The following TLN2 variants were observed in gnomAD, a reference collection of about 807,000 sequenced individuals.
TLN2 encodes talin 2.
A neutral mutation model predicts 294.7 loss-of-function variants in TLN2; 118 were observed. The ratio of observed to expected loss-of-function variants is 0.40; its 90% confidence interval spans 0.34 to 0.47. The LOEUF (loss-of-function observed/expected upper bound fraction) is 0.47, where lower values mean the gene tolerates loss of function less well. Among genes scored for constraint, TLN2 ranks in the 20% least tolerant of loss-of-function variants. The pLI is 0.84. For synonymous variants in TLN2, 1,431 were observed against 1,304.5 expected (o/e 1.10, Z -2.09); for missense variants, 3,083 against 3,282.2 (o/e 0.94, Z 1.48).
chr15:62,508,171 A>G (rs758670078), intron 1 of TLN2, among the ~76,000 whole-genome samples: 1 of 152,108 alleles, frequency 6.6e-6, no homozygotes, highest in African/African-American at 2.4e-5. Context: ...TTCCTTCTGG[A>G]TGAGTGACTA....
chr15:62,591,689 A>G (rs1464016562), intron 2 of TLN2, among the ~76,000 whole-genome samples: 1 of 152,114 alleles, frequency 6.6e-6, no homozygotes, highest in Non-Finnish European at 1.5e-5. Flanking sequence ...GCATGTGGGG[A>G]TGCTGAGAGC....
Position 62,561,676 on chromosome 15 carries a change from C to T in TLN2, c.-237-28011C>T, listed in dbSNP as rs549216939. 1.3e-4 allele frequency among the ~76,000 whole-genome samples: 20 copies of T among 151,640 alleles called. No homozygotes were observed. The East Asian group carries it at 1.9e-3, about 15-fold the overall frequency. On this transcript the variant is annotated intron_variant, in intron 1 of 58. Coordinates refer to ENST00000636159, the MANE Select transcript of TLN2 (RefSeq NM_015059.3). ...GTCTGTCTCTCTCTCTTTTTTTTTC[C>T]GCAAAAGGTGTATCATCCCTTGCCA...
chr15:62,534,901 C>T (rs2041250295), intron 1 of TLN2, among the ~76,000 whole-genome samples: 1 of 152,190 alleles, frequency 6.6e-6, no homozygotes, highest in Non-Finnish European at 1.5e-5. Flanking sequence ...TTCTGCTTCT[C>T]TACACAGAAT....
intron 32 of TLN2, among the ~76,000 whole-genome samples, chr15:62,741,748 C>CGCGCGTGTGTGTGTGTGTGTGTGTGT: frequency 0.056 from 7,285 of 131,020 alleles, 406 homozygotes; most frequent in East Asian, 0.17. Context: ...AAAATTTGCG[C>CGCGCGTGTGTGTGTGTGTGTGTGTGT]GTGTGTGTGT....
chr15:62,789,330 C>G (rs1329841859), intron 45 of TLN2, among the ~76,000 whole-genome samples: 1 of 152,192 alleles, frequency 6.6e-6, no homozygotes, highest in African/African-American at 2.4e-5. Context: ...TGTTGCCTCA[C>G]TTACTCTCAT....
chr15:62,685,900 G>A lies in TLN2; in HGVS notation c.958-741G>A, dbSNP rs1296084965. 2.0e-5 allele frequency among the ~76,000 whole-genome samples: 3 copies of A among 151,994 alleles called. 1 individual carries two copies. The highest frequency in any genetic ancestry group is 2.1e-4 in the South Asian group (1 of 4,826). On this transcript the variant is annotated intron_variant, in intron 11 of 58. Coordinates refer to ENST00000636159, the MANE Select transcript of TLN2 (RefSeq NM_015059.3). ...ATATTTTGAGTTAAGCATATTAATC[G>A]TTTCCTTTATGGCTTCTTATGTTGG...
intron 1 of TLN2, chr15:62,561,296 T>G (rs1343836738): frequency 6.6e-6 from 1 of 152,212 alleles, no homozygotes; most frequent in Non-Finnish European, 1.5e-5. Context: ...ATTACACAAA[T>G]TATAGCAAAG....
chr15:62,777,988 CTA>C (rs1208756570), intron 43 of TLN2, among the ~76,000 whole-genome samples: 8 of 152,158 alleles, frequency 5.3e-5, no homozygotes, highest in Admixed American at 6.5e-5. Context: ...TAGACATCGT[CTA>C]TGTTTTGAAA....
At chr15:62,742,482 T>G (rs1273807440) in intron 32 of TLN2, among the ~76,000 whole-genome samples, 1 of 152,030 alleles carries the variant, frequency 6.6e-6, no homozygotes, top group Non-Finnish European at 1.5e-5. Flanking sequence ...TCCTAAATTG[T>G]GGGAAGGAGG....
chr15:62,574,161 G>C (rs573826406), intron 1 of TLN2, among the ~76,000 whole-genome samples: 126 of 151,070 alleles, frequency 8.3e-4, no homozygotes, highest in African/African-American at 2.8e-3. Context: ...ATTCTCCAGG[G>C]ACTGTCACTT....
Position 62,752,518 on chromosome 15 carries a change from T to A in TLN2, c.4332+91T>A, listed in dbSNP as rs2061993260. The A allele has an allele frequency of 4.6e-6, 7 of 1,535,818 alleles. No individual in the cohort carries two copies. The East Asian group carries it at 1.6e-4, about 35-fold the overall frequency. On this transcript the variant is annotated intron_variant, in intron 35 of 58. Coordinates refer to ENST00000636159, the MANE Select transcript of TLN2 (RefSeq NM_015059.3). ...CTCCAGCTGCACCTCTTTCTCCAAG[T>A]ACCACCACAGAAACCATGGGAAAGG...
rs557002632 is a variant in TLN2 at position 62,722,530 on chromosome 15, G to C, written c.3126+43G>C. 1.5e-5 allele frequency: 23 copies of C among 1,577,212 alleles called. No individual in the cohort carries two copies. The South Asian group carries it at 1.9e-4, about 13-fold the overall frequency. ...TAGGGGTTAACTTGTCAGGAAGGGAGCTGGGGTGGCATGGGTACCACCCAG... is the reference window on the plus strand; with the variant it reads ...TAGGGGTTAACTTGTCAGGAAGGGACCTGGGGTGGCATGGGTACCACCCAG... On this transcript the variant is annotated intron_variant, in intron 26 of 58. Coordinates refer to ENST00000636159, the MANE Select transcript of TLN2 (RefSeq NM_015059.3).
At chr15:62,531,381 A>AGAAT (rs1261398964) in intron 1 of TLN2, among the ~76,000 whole-genome samples, 1 of 152,226 alleles carries the variant, frequency 6.6e-6, no homozygotes, top group Non-Finnish European at 1.5e-5. Flanking sequence ...AGCAGAAAGT[A>AGAAT]GAATGGTGGT....
At chr15:62,463,645 C>T (rs890746244) in intron 1 of TLN2, among the ~76,000 whole-genome samples, 3 of 152,136 alleles carry the variant, frequency 2.0e-5, no homozygotes, top group South Asian at 2.1e-4. Flanking sequence ...CAGCACTTTG[C>T]GACGCTGAGA....
chr15:62,617,180 C>T (rs1164647085), intron 2 of TLN2, among the ~76,000 whole-genome samples: 4 of 152,096 alleles, frequency 2.6e-5, no homozygotes, highest in East Asian at 1.9e-4. Context: ...TCTTTTTTGC[C>T]TGTCATCTTT....
At chr15:62,449,860 C>T (rs1416970431) in intron 1 of TLN2, among the ~76,000 whole-genome samples, 1 of 152,170 alleles carries the variant, frequency 6.6e-6, no homozygotes, top group Non-Finnish European at 1.5e-5. Flanking sequence ...CCAGGCTTAG[C>T]ATTCACAATG....
intron 11 of TLN2, among the ~76,000 whole-genome samples, chr15:62,677,539 C>T (rs1433882269): frequency 2.0e-5 from 3 of 152,124 alleles, no homozygotes; most frequent in East Asian, 3.8e-4. Flanking sequence ...TAAGAAAAAT[C>T]GGTCCATGGT....
intron 1 of TLN2, among the ~76,000 whole-genome samples, chr15:62,532,053 CTT>C (rs68187150): frequency 1.4e-5 from 2 of 144,738 alleles, no homozygotes; most frequent in Admixed American, 6.9e-5. Flanking sequence ...TTTCTCTTTT[CTT>C]TTTTTTTTTT....
At chr15:62,558,923 CAT>C (rs1378040328) in intron 1 of TLN2, among the ~76,000 whole-genome samples, 1 of 152,170 alleles carries the variant, frequency 6.6e-6, no homozygotes, top group Non-Finnish European at 1.5e-5. Flanking sequence ...TTTGTAAACA[CAT>C]ATCCTGCTTT....
Sources: allele counts gnomAD v4.1 joint callset (sites outside exome capture counted in the v4.1 genomes callset), GRCh38; gene constraint gnomAD v4.1.1; transcripts MANE v1.5; gene names NCBI Gene and HGNC (gene_info 2026-07-23, HGNC 2026-07-21).